Variants in RAI14 observed in about 807,000 individuals in gnomAD.
RAI14 encodes the protein ankycorbin.
A neutral mutation model predicts 115.4 loss-of-function variants in RAI14; 45 were observed. The observed-to-expected ratio is 0.39, with a 90% CI of 0.31 to 0.50. The LOEUF is 0.50. Among genes scored for constraint, RAI14 ranks in the 20% least tolerant of loss-of-function variants. The pLI, the probability that RAI14 is intolerant of heterozygous loss-of-function variation, is 0.85. For synonymous variants in RAI14, 371 were observed against 415.4 expected (o/e 0.89, Z 1.30); for missense variants, 939 against 1,131.2 (o/e 0.83, Z 2.44).
At chr5:34,753,423 G>A (rs1285044733) in intron 2 of RAI14, among the ~76,000 whole-genome samples, 1 of 152,142 alleles carries the variant, frequency 6.6e-6, no homozygotes, top group Non-Finnish European at 1.5e-5. Flanking sequence ...ATGACTCAAA[G>A]TGCTTATTGA....
intron 2 of RAI14, among the ~76,000 whole-genome samples, chr5:34,731,661 A>C (rs1313063538): frequency 6.6e-6 from 1 of 152,196 alleles, no homozygotes; most frequent in Non-Finnish European, 1.5e-5. Context: ...AAAGAAAAAA[A>C]GGTAATAAGC....
intron 4 of RAI14, among the ~76,000 whole-genome samples, chr5:34,801,243 A>G (rs1489720230): frequency 6.6e-6 from 1 of 152,174 alleles, no homozygotes; most frequent in African/African-American, 2.4e-5. Context: ...TATGCTGATG[A>G]AACAACTCTC....
Position 34,824,370 on chromosome 5 carries a change from A to C in RAI14, c.2528A>C (p.Lys843Thr). 1 of 1,613,478 alleles carries C rather than the reference A, an allele frequency of 6.2e-7. No individual in the cohort carries two copies. Among genetic ancestry groups the C allele is most frequent in the South Asian group, 1.1e-5 (1 of 90,998 alleles). Residue 843 changes from lysine (K) to threonine (T), a missense_variant, in exon 15 of 18, where the codon AAA becomes ACA. By Grantham distance (78) the Lys-to-Thr change is moderately conservative. Coordinates refer to ENST00000265109, the MANE Select transcript of RAI14 (RefSeq NM_015577.3). ...AAGGAAAATATTCAGACTCTCTTGAAATCCAAAGAGCAAGAAGTAAATGAA... is the reference window on the plus strand; with the variant it reads ...AAGGAAAATATTCAGACTCTCTTGACATCCAAAGAGCAAGAAGTAAATGAA... ...REKENIQTLL[K>T]SKEQEVNELL...
At chr5:34,690,528 G>A (rs923616420) in intron 2 of RAI14, among the ~76,000 whole-genome samples, 9 of 152,220 alleles carry the variant, frequency 5.9e-5, no homozygotes, top group African/African-American at 1.9e-4. Flanking sequence ...GGCCTCCTAT[G>A]GATGGCCTTC....
At chr5:34,708,604 C>T (rs1036258966) in intron 2 of RAI14, among the ~76,000 whole-genome samples, 2 of 151,424 alleles carry the variant, frequency 1.3e-5, no homozygotes, top group Non-Finnish European at 2.9e-5. Context: ...GTGAAAACAA[C>T]AAAAAAAAAT....
intron 3 of RAI14, among the ~76,000 whole-genome samples, chr5:34,786,180 G>A (rs71615827): frequency 0.22 from 33,422 of 152,064 alleles, 4,967 homozygotes; most frequent in Non-Finnish European, 0.31. Flanking sequence ...AATTTAAAAG[G>A]AAAAGGCTCA....
chr5:34,706,060 C>T (rs774824679), intron 2 of RAI14, among the ~76,000 whole-genome samples: 1 of 152,174 alleles, frequency 6.6e-6, no homozygotes, highest in South Asian at 2.1e-4. Context: ...CAATGAAATG[C>T]ATTTTTAAAT....
intron 2 of RAI14, among the ~76,000 whole-genome samples, chr5:34,751,019 T>C (rs1409317206): frequency 1.3e-5 from 2 of 151,638 alleles, no homozygotes; most frequent in African/African-American, 4.8e-5. Flanking sequence ...GCCTGGCTCA[T>C]TTTGGATTTT....
At chr5:34,798,036 T>TTTTG (rs1295620766) in intron 4 of RAI14, among the ~76,000 whole-genome samples, 2 of 152,206 alleles carry the variant, frequency 1.3e-5, no homozygotes, top group Non-Finnish European at 2.9e-5. Flanking sequence ...GTGTGTGTTT[T>TTTTG]TTTGTTTGTT....
At chr5:34,737,604 T>A (rs1348358419) in intron 2 of RAI14, among the ~76,000 whole-genome samples, 2 of 150,850 alleles carry the variant, frequency 1.3e-5, no homozygotes, top group African/African-American at 4.9e-5. Context: ...AAAAAAAATT[T>A]AAAAATTAGC....
At chr5:34,782,178 C>G (rs916694081) in intron 3 of RAI14, among the ~76,000 whole-genome samples, 1 of 152,222 alleles carries the variant, frequency 6.6e-6, no homozygotes, top group East Asian at 1.9e-4. Context: ...ATGGCCATCA[C>G]GAACATGTCA....
At chr5:34,773,412 G>A (rs1313725612) in intron 3 of RAI14, among the ~76,000 whole-genome samples, 2 of 152,054 alleles carry the variant, frequency 1.3e-5, no homozygotes, top group African/African-American at 4.8e-5. Flanking sequence ...AGACAAATCG[G>A]ATTATATTAA....
chr5:34,717,601 G>A (rs1208115089), intron 2 of RAI14, among the ~76,000 whole-genome samples: 1 of 152,118 alleles, frequency 6.6e-6, no homozygotes, highest in Non-Finnish European at 1.5e-5. Flanking sequence ...CCTGAGCAAG[G>A]CCTCCTTAAG....
chr5:34,672,806 T>C (rs1743709335), intron 1 of RAI14, among the ~76,000 whole-genome samples: 1 of 152,176 alleles, frequency 6.6e-6, no homozygotes, highest in South Asian at 2.1e-4. Flanking sequence ...TGAGGTCTAC[T>C]GGTCCAGCTG....
intron 2 of RAI14, among the ~76,000 whole-genome samples, chr5:34,751,624 A>G (rs897655376): frequency 2.6e-5 from 4 of 151,862 alleles, no homozygotes; most frequent in African/African-American, 9.7e-5. Flanking sequence ...GTTCATTTTC[A>G]TTGCTGTGTG....
At chr5:34,766,547 A>G (rs2150119299) in intron 3 of RAI14, among the ~76,000 whole-genome samples, 1 of 152,238 alleles carries the variant, frequency 6.6e-6, no homozygotes, top group Non-Finnish European at 1.5e-5. Context: ...GAATGGGTGT[A>G]ATTGCCCAAT....
intron 3 of RAI14, among the ~76,000 whole-genome samples, chr5:34,782,752 A>G (rs187161389): frequency 6.6e-6 from 1 of 152,290 alleles, no homozygotes; most frequent in Non-Finnish European, 1.5e-5. Flanking sequence ...ATTCCTTATC[A>G]TTTCTACCAT....
chr5:34,708,506 G>A (rs1407898281), intron 2 of RAI14, among the ~76,000 whole-genome samples: 3 of 152,112 alleles, frequency 2.0e-5, no homozygotes, highest in Non-Finnish European at 1.5e-5. Flanking sequence ...CTGGCCAAAG[G>A]AACATATTTT....
intron 2 of RAI14, chr5:34,733,267 A>G (rs1305539642): frequency 1.3e-5 from 2 of 152,178 alleles, no homozygotes; most frequent in African/African-American, 4.8e-5. Flanking sequence ...TGTCCAATGC[A>G]TAGAAGGTGC....
Sources: allele counts gnomAD v4.1 joint callset (sites outside exome capture counted in the v4.1 genomes callset), GRCh38; gene constraint gnomAD v4.1.1; transcripts MANE v1.5; gene names NCBI Gene and HGNC (gene_info 2026-07-23, HGNC 2026-07-21).